The following TTF1 variants were observed in gnomAD, a reference collection of about 807,000 sequenced individuals.
TTF1 encodes the protein transcription termination factor 1, also known as transcription termination factor, RNA polymerase I.
In TTF1, 64 loss-of-function variants were observed where a neutral mutation model predicts 80.2. The ratio of observed to expected loss-of-function variants is 0.80; its 90% CI spans 0.65 to 0.98. The LOEUF (loss-of-function observed/expected upper bound fraction) is 0.98, where lower values mean the gene tolerates loss of function less well. Ranked by LOEUF, TTF1 falls within the 50% of genes least tolerant of loss-of-function variation. TTF1 has a pLI of 0.00. For missense variants in TTF1, 1,023 were observed against 1,086.2 expected, an observed-to-expected ratio of 0.94 and a Z score of 0.82; for synonymous variants, 372 against 382.7, an observed-to-expected ratio of 0.97 and a Z score of 0.33.
chr9:132,395,406 T>C (rs1297864429), intron 5 of TTF1, among the ~76,000 whole-genome samples: 1 of 152,178 alleles, frequency 6.6e-6, no homozygotes, highest in Non-Finnish European at 1.5e-5. Flanking sequence ...TCTAAAAATT[T>C]CATTCCTGTG....
intron 10 of TTF1, 25 bp from the exon 11 acceptor site, chr9:132,376,193 C>G (rs764031992): frequency 6.2e-7 from 1 of 1,600,744 alleles, no homozygotes; most frequent in Non-Finnish European, 8.5e-7. Context: ...TTTAATTGTG[C>G]AGTTATCTGT....
intron 8 of TTF1, 36 bp downstream of exon 8, chr9:132,388,103 A>G (rs1446384134): frequency 6.5e-7 from 1 of 1,528,826 alleles, no homozygotes; most frequent in Admixed American, 1.8e-5. Context: ...CTAGAGACAG[A>G]AACAGTTAAG....
intron 5 of TTF1, among the ~76,000 whole-genome samples, chr9:132,393,691 T>C (rs1174312221): frequency 1.3e-5 from 2 of 152,226 alleles, no homozygotes; most frequent in African/African-American, 4.8e-5. Context: ...TGTGTGTGTG[T>C]CTTTAATTCC....
intron 9 of TTF1, among the ~76,000 whole-genome samples, chr9:132,379,792 T>C (rs561651474): frequency 1.2e-4 from 18 of 152,332 alleles, no homozygotes; most frequent in African/African-American, 4.3e-4. Context: ...GTTTTCAATT[T>C]ACAAAACATT....
At chr9:132,397,969 G>A (rs1442658294) in intron 4 of TTF1, among the ~76,000 whole-genome samples, 172 bp downstream of exon 4, 2 of 149,240 alleles carry the variant, frequency 1.3e-5, no homozygotes, top group Non-Finnish European at 3.0e-5. Flanking sequence ...CTGGGCAACA[G>A]AACAAGACTC....
chr9:132,403,060 T>C (rs2131657351), intron 1 of TTF1, among the ~76,000 whole-genome samples: 1 of 152,270 alleles, frequency 6.6e-6, no homozygotes, highest in African/African-American at 2.4e-5. Flanking sequence ...GGGGTTTCAC[T>C]GTGTTAGCCA....
intron 3 of TTF1, among the ~76,000 whole-genome samples, chr9:132,398,766 T>C (rs1356434887): frequency 6.6e-6 from 1 of 152,086 alleles, no homozygotes; most frequent in Non-Finnish European, 1.5e-5. Flanking sequence ...TAATTTTTTA[T>C]TTTTTGTAAG....
chr9:132,400,270 G>A lies in TTF1; in HGVS notation c.1368-12C>T. On this transcript the variant is annotated splice_polypyrimidine_tract_variant and intron_variant, in intron 2 of 10. Transcript: ENST00000334270. ...TTGCAGGTTCTAACCTAAGGGGTTA[G>A]AAAATTGGGTTGACTAACATTAACA... 1 of 1,612,688 alleles carries A rather than the reference G, an allele frequency of 6.2e-7. No individual in the cohort carries two copies. The highest frequency in any genetic ancestry group is 1.1e-5 in the South Asian group (1 of 91,050).
In TTF1 at chr9:132,375,580, G is replaced by T; in HGVS notation, c.*335C>A. 5.6e-6 allele frequency: 1 copy of T among 177,722 alleles called. No homozygotes were observed. The highest frequency in any genetic ancestry group is 1.2e-5 in the Non-Finnish European group (1 of 82,714). The allele number at this position is 177,722 out of a possible 1,614,324, so 11.0% of individuals were successfully genotyped here. A position where few individuals can be genotyped will look rare whatever the true frequency, so the allele number is the denominator to read the frequency against. ...ATTCAAATACGTTTTAATAGGAATGGCAATATATTTTAATGCTCCAGAGGA... is the reference window on the plus strand; with the variant it reads ...ATTCAAATACGTTTTAATAGGAATGTCAATATATTTTAATGCTCCAGAGGA... On this transcript the variant is annotated 3_prime_UTR_variant, in exon 11 of 11. Transcript: ENST00000334270.
chr9:132,400,090 T>C lies in TTF1; in HGVS notation c.1536A>G (p.Thr512=), dbSNP rs1849732833. The stretch of plus-strand genomic sequence containing the variant: ...AGTCGTCCCGGTACATCCGCTTGAT[T>C]GTGCTGGTGGCCCTGTCCTTGATGT... The part of the protein sequence containing the change: ...IPNIKDRATS[T]IKRMYRDDLE... The change falls in exon 3 of 11, where the codon ACA becomes ACG. Residue 512 remains threonine (T), a synonymous_variant. Transcript: ENST00000334270. 1 of 1,614,084 alleles carries C rather than the reference T, an allele frequency of 6.2e-7. No homozygotes were observed. The highest frequency in any genetic ancestry group is 8.5e-7 in the Non-Finnish European group (1 of 1,180,044).
At chr9:132,398,106 G>A (rs1849687264) in intron 4 of TTF1, 35 bp downstream of exon 4, 13 of 1,512,062 alleles carry the variant, frequency 8.6e-6, no homozygotes, top group Non-Finnish European at 1.1e-5. Context: ...CTGGAAGGCT[G>A]TGGATGGTCA....
Position 132,402,748 on chromosome 9 carries a change from T to C in TTF1, c.74A>G (p.His25Arg). The change falls in exon 2 of 11, where the codon CAT becomes CGT. Residue 25 changes from histidine to arginine, a missense_variant. His to Arg is a conservative substitution (Grantham distance 29). Coordinates refer to ENST00000334270, the MANE Select transcript of TTF1 (RefSeq NM_007344.4). Reference protein sequence around the residue: ...SDKKKKKCSIHKERPQKHSHE... With the variant: ...SDKKKKKCSIRKERPQKHSHE... ...GGAATGTTTCTGAGGTCTTTCCTTA[T>C]GTATAGAACACTTTTTCTTTTTCTT... The C allele has an allele frequency of 1.9e-6, 3 of 1,609,558 alleles. No individual in the cohort carries two copies. Among genetic ancestry groups the C allele is most frequent in the Admixed American group, 1.7e-5 (1 of 58,786 alleles).
At chr9:132,403,454 G>A (rs1849805954) in intron 1 of TTF1, among the ~76,000 whole-genome samples, 1 of 151,950 alleles carries the variant, frequency 6.6e-6, no homozygotes, top group South Asian at 2.1e-4. Context: ...TTCCTCAAAC[G>A]TGCCATAACC....
At chr9:132,377,216 GGT>G (rs775646581) in intron 10 of TTF1, among the ~76,000 whole-genome samples, 4 of 132,166 alleles carry the variant, frequency 3.0e-5, no homozygotes, top group East Asian at 2.5e-4. Context: ...GCATGCATGT[GGT>G]GTGAGTGCAT....
At chr9:132,381,400 G>A (rs533085586) in intron 9 of TTF1, among the ~76,000 whole-genome samples, 13 of 152,178 alleles carry the variant, frequency 8.5e-5, no homozygotes, top group Non-Finnish European at 1.8e-4. Context: ...ATGTTGGGCA[G>A]GTTGGTCTCA....
At chr9:132,391,019 G>T (rs543551465) in intron 6 of TTF1, among the ~76,000 whole-genome samples, 188 bp from the exon 7 acceptor site, 1 of 152,130 alleles carries the variant, frequency 6.6e-6, no homozygotes, top group Non-Finnish European at 1.5e-5. Context: ...TTCTTTTTAA[G>T]AACTAAAGCC....
chr9:132,380,623 C>T (rs374636979), intron 9 of TTF1, among the ~76,000 whole-genome samples: 2 of 152,196 alleles, frequency 1.3e-5, no homozygotes, highest in South Asian at 2.1e-4. Context: ...AAGAACTGAT[C>T]TGGACGTTTT....
At chr9:132,403,599 C>T (rs1173288407) in intron 1 of TTF1, among the ~76,000 whole-genome samples, 3 of 151,838 alleles carry the variant, frequency 2.0e-5, no homozygotes, top group Admixed American at 6.6e-5. Flanking sequence ...GGCCTGATTC[C>T]CAAGTAATAT....
chr9:132,388,008 C>A, intron 8 of TTF1, 131 bp downstream of exon 8: 1 of 622,238 alleles, frequency 1.6e-6, no homozygotes, highest in East Asian at 2.8e-5. Context: ...CATATGCCCA[C>A]AATACATGCG....
Sources: gnomAD v4.1 joint callset for allele counts (sites outside exome capture counted in the v4.1 genomes callset) on GRCh38, gnomAD v4.1.1 for gene constraint, MANE v1.5 for transcripts, NCBI Gene and HGNC (gene_info 2026-07-23, HGNC 2026-07-21) for gene names.